Variants in RIPOR2 observed in about 807,000 individuals in gnomAD.
RIPOR2 encodes the protein rho family-interacting cell polarization regulator 2.
A neutral mutation model predicts 114.5 loss-of-function variants in RIPOR2; 39 were observed. The observed-to-expected ratio is 0.34, with a 90% CI of 0.26 to 0.44. The LOEUF is 0.44. Ranked by LOEUF, RIPOR2 falls within the 20% of genes least tolerant of loss-of-function variation. RIPOR2 has a pLI of 1.00. For missense variants in RIPOR2, 1,007 were observed against 1,255.1 expected (o/e 0.80, Z 2.99); for synonymous variants, 445 against 484.4 (o/e 0.92, Z 1.07).
At chr6:24,896,946 G>A (rs1350654459) in intron 1 of RIPOR2, among the ~76,000 whole-genome samples, 1 of 152,104 alleles carries the variant, frequency 6.6e-6, no homozygotes, top group Non-Finnish European at 1.5e-5. Context: ...ATTAAATGTG[G>A]CACAGGATCC....
In RIPOR2 at chr6:24,832,269, A is replaced by G. The variant is rs1427613243; in HGVS notation, c.2331T>C (p.Ser777=). ...GCAGATACTTACCTTCCACAACAGAACTGATATTTCCTATGTTCTCATCAC... is the reference window on the plus strand; with the variant it reads ...GCAGATACTTACCTTCCACAACAGAGCTGATATTTCCTATGTTCTCATCAC... The part of the protein sequence containing the change: ...AVSDENIGNI[S]SVVEAIPEFH... The change falls in exon 16 of 22, where the codon AGT becomes AGC. Residue 777 remains serine (S), a synonymous_variant. Coordinates refer to ENST00000643898, the MANE Select transcript of RIPOR2 (RefSeq NM_001286445.3). 3.9e-6 allele frequency: 6 copies of G among 1,551,698 alleles called. No homozygotes were observed. The highest frequency in any genetic ancestry group is 5.2e-6 in the Non-Finnish European group (6 of 1,146,966).
chr6:24,930,868 C>T (rs1387750060), intron 1 of RIPOR2, among the ~76,000 whole-genome samples: 1 of 152,242 alleles, frequency 6.6e-6, no homozygotes, highest in East Asian at 1.9e-4. Context: ...ATTGGGTCCA[C>T]TTGAGAAACC....
intron 1 of RIPOR2, among the ~76,000 whole-genome samples, chr6:24,974,835 C>T (rs58362069): frequency 0.099 from 15,086 of 152,138 alleles, 1,708 homozygotes; most frequent in African/African-American, 0.27. Context: ...TATTGATACA[C>T]GCTACAGCAT....
chr6:24,878,018 CA>C (rs1454142288), intron 1 of RIPOR2, among the ~76,000 whole-genome samples: 1 of 152,054 alleles, frequency 6.6e-6, no homozygotes, highest in Non-Finnish European at 1.5e-5. Flanking sequence ...AGCAGGTGAC[CA>C]GGGGAACAAA....
chr6:24,959,749 C>T (rs984251971), intron 1 of RIPOR2, among the ~76,000 whole-genome samples: 1 of 152,172 alleles, frequency 6.6e-6, no homozygotes, highest in East Asian at 1.9e-4. Flanking sequence ...CTCTTTGTAA[C>T]CAACTGCCGG....
rs1765456848 is a variant in RIPOR2, at chr6:24,873,897, A to C, written c.189-98T>G. On this transcript the variant is annotated intron_variant, in intron 2 of 21. Coordinates refer to ENST00000643898, the MANE Select transcript of RIPOR2 (RefSeq NM_001286445.3). ...TTATTTACTTGTTTGTTTTAGAGAC[A>C]AAGTCTTCTTCTGTCATCCAGGCTG... 7.6e-6 allele frequency: 8 copies of C among 1,056,770 alleles called. No individual in the cohort carries two copies. The South Asian group carries it at 1.3e-4, about 17-fold the overall frequency. 65.5% of individuals were successfully genotyped at this position (1,056,770 alleles called of 1,614,324 possible). A position where few individuals can be genotyped will look rare whatever the true frequency, so the allele number is the denominator to read the frequency against.
chr6:24,838,680 G>C (rs1432413443), intron 14 of RIPOR2, among the ~76,000 whole-genome samples: 1 of 152,124 alleles, frequency 6.6e-6, no homozygotes, highest in African/African-American at 2.4e-5. Context: ...TGTAGTCCCA[G>C]CTACTCCGGA....
chr6:24,832,762 G>A (rs1030616077), intron 15 of RIPOR2, among the ~76,000 whole-genome samples: 1 of 152,188 alleles, frequency 6.6e-6, no homozygotes, highest in African/African-American at 2.4e-5. Flanking sequence ...TACAAATGCA[G>A]TAATTTTTCA....
At chr6:24,861,502 A>G (rs1764069649) in intron 7 of RIPOR2, among the ~76,000 whole-genome samples, 1 of 152,226 alleles carries the variant, frequency 6.6e-6, no homozygotes, top group Admixed American at 6.5e-5. Flanking sequence ...AATATGTTAT[A>G]TAATTCTATG....
chr6:24,863,077 C>A (rs1190174165), intron 7 of RIPOR2, among the ~76,000 whole-genome samples: 1 of 152,004 alleles, frequency 6.6e-6, no homozygotes, highest in African/African-American at 2.4e-5. Context: ...CTCAGCCTCA[C>A]GAGTAGCTGG....
At chr6:25,017,387 T>A (rs1776064431) in intron 1 of RIPOR2, among the ~76,000 whole-genome samples, 1 of 152,214 alleles carries the variant, frequency 6.6e-6, no homozygotes, top group Non-Finnish European at 1.5e-5. Context: ...CTCCCCCATT[T>A]TTACTGTCTT....
At chr6:25,032,720 A>G (rs930518058) in intron 1 of RIPOR2, among the ~76,000 whole-genome samples, 2 of 152,190 alleles carry the variant, frequency 1.3e-5, no homozygotes, top group Non-Finnish European at 2.9e-5. Flanking sequence ...CCCAACCAAT[A>G]CAATCCGCTT....
chr6:24,961,244 A>G (rs1773290856), intron 1 of RIPOR2, among the ~76,000 whole-genome samples: 1 of 152,230 alleles, frequency 6.6e-6, no homozygotes, highest in Non-Finnish European at 1.5e-5. Flanking sequence ...GGAAGAGAAC[A>G]CTGTGGAACA....
At chr6:24,916,461 A>G (rs992216047) in intron 1 of RIPOR2, among the ~76,000 whole-genome samples, 1 of 152,218 alleles carries the variant, frequency 6.6e-6, no homozygotes, top group Non-Finnish European at 1.5e-5. Flanking sequence ...AGTAACCTCT[A>G]TATTAATGAG....
intron 1 of RIPOR2, among the ~76,000 whole-genome samples, chr6:24,896,192 C>T (rs1174023388): frequency 3.3e-5 from 5 of 151,080 alleles, no homozygotes; most frequent in African/African-American, 1.2e-4. Flanking sequence ...CCTGGGTTTG[C>T]GGCATGGCAG....
At position 24,843,034 on chromosome 6, in the gene RIPOR2, A is replaced by T; in HGVS notation, c.1685T>A (p.Leu562Gln). 1 of 1,610,032 alleles carries T rather than the reference A, an allele frequency of 6.2e-7. No homozygotes were observed. Among genetic ancestry groups the T allele is most frequent in the South Asian group, 1.1e-5 (1 of 90,962 alleles). ...TCCACCAACAGAACCCTCAGAGAGCAGCCTGTCTGTGGCCATTGGCACCTC... is the reference window on the plus strand; with the variant it reads ...TCCACCAACAGAACCCTCAGAGAGCTGCCTGTCTGTGGCCATTGGCACCTC... The part of the protein sequence containing the change: ...SAEVPMATDR[L>Q]LSEGSVGGES... The change falls in exon 13 of 22, where the codon CTG (leucine) becomes CAG (glutamine). Residue 562 changes from leucine (L) to glutamine (Q), a missense_variant. Transcript: ENST00000643898.
intron 1 of RIPOR2, among the ~76,000 whole-genome samples, chr6:24,950,023 C>T (rs1002043389): frequency 6.6e-6 from 1 of 152,124 alleles, no homozygotes; most frequent in Admixed American, 6.5e-5. Flanking sequence ...CTAGAGATGA[C>T]CTAGTGTCAA....
intron 9 of RIPOR2, among the ~76,000 whole-genome samples, chr6:24,851,973 T>G (rs896817612): frequency 3.4e-5 from 4 of 117,152 alleles, no homozygotes; most frequent in African/African-American, 1.4e-4. Flanking sequence ...GTTCAGGGGC[T>G]GGATGTGGTG....
intron 1 of RIPOR2, among the ~76,000 whole-genome samples, chr6:24,973,499 A>AG (rs1418901061): frequency 2.6e-5 from 4 of 151,532 alleles, no homozygotes; most frequent in Non-Finnish European, 4.4e-5. Flanking sequence ...TGGGAGGCTG[A>AG]GGCAGGAGAA....
Sources: allele counts gnomAD v4.1 joint callset (sites outside exome capture counted in the v4.1 genomes callset), GRCh38; gene constraint gnomAD v4.1.1; transcripts MANE v1.5; gene names NCBI Gene and HGNC (gene_info 2026-07-23, HGNC 2026-07-21).